Variants in GASK1A observed in about 807,000 individuals in gnomAD.
The protein encoded by GASK1A is Golgi-associated kinase 1A.
A neutral mutation model predicts 41.2 loss-of-function variants in GASK1A; 40 were observed. The ratio of observed to expected loss-of-function variants is 0.97; its 90% confidence interval spans 0.75 to 1.27. GASK1A has a LOEUF of 1.27. Among genes scored for constraint, GASK1A ranks in the 50% most tolerant of loss-of-function variants. GASK1A has a pLI of 0.00. For missense variants in GASK1A, 678 were observed against 745.1 expected, an observed-to-expected ratio of 0.91 and a Z score of 1.05; for synonymous variants, 316 against 307.1, an observed-to-expected ratio of 1.03 and a Z score of -0.30.
chr3:42,994,385 G>C (rs1417677373), intron 1 of GASK1A, among the ~76,000 whole-genome samples: 2 of 152,104 alleles, frequency 1.3e-5, no homozygotes, highest in Non-Finnish European at 2.9e-5. Flanking sequence ...GCCAATGCTG[G>C]GGAGGAAGCA....
At chr3:43,006,011 T>C (rs1323914689) in intron 1 of GASK1A, among the ~76,000 whole-genome samples, 7 of 152,232 alleles carry the variant, frequency 4.6e-5, no homozygotes, top group African/African-American at 1.7e-4. Context: ...TGCTGTATTA[T>C]ATTATGATCA....
chr3:43,013,535 C>T (rs2089474873), intron 1 of GASK1A, among the ~76,000 whole-genome samples: 1 of 151,664 alleles, frequency 6.6e-6, no homozygotes, highest in Non-Finnish European at 1.5e-5. Flanking sequence ...TGGGTAGTCA[C>T]AGGAACAGGC....
chr3:43,016,576 ACAGGAAGGGGCTGTGTGAGGTCC>A (rs1011875275), intron 1 of GASK1A, among the ~76,000 whole-genome samples: 2 of 151,752 alleles, frequency 1.3e-5, no homozygotes, highest in South Asian at 2.1e-4. Flanking sequence ...GTGAGAGTTC[ACAGGAAGGGGCTGTGTGAGGTCC>A]CAGGAAGGGG....
intron 2 of GASK1A, among the ~76,000 whole-genome samples, chr3:43,052,817 C>G (rs1213363271): frequency 6.6e-6 from 1 of 152,212 alleles, no homozygotes; most frequent in Non-Finnish European, 1.5e-5. Flanking sequence ...TAGGTCAGGG[C>G]TGGGGTAGAC....
rs757015845 is a variant in GASK1A, at chr3:43,055,426, C to G, written c.1414-6C>G. ...ACCTCTGTCTCTGTCCACCCTCTTC[C>G]CTGAGGTCCGGAGCAGCGATCCATC... is the stretch of plus-strand genomic sequence containing the variant. On this transcript the variant is annotated splice_region_variant and splice_polypyrimidine_tract_variant and intron_variant, in intron 3 of 4. Transcript: ENST00000430121. The G allele has an allele frequency of 2.8e-5, 43 of 1,549,838 alleles. No individual in the cohort carries two copies. Among genetic ancestry groups the G allele is most frequent in the Non-Finnish European group, 1.7e-6 (2 of 1,145,438 alleles).
In GASK1A at chr3:42,984,369, TAC is replaced by T. The variant is rs376609732; in HGVS notation, c.3+4732_3+4733del. Among the ~76,000 whole-genome samples, 9 of 152,046 alleles carry T rather than the reference TAC, an allele frequency of 5.9e-5. No homozygotes were observed. Among genetic ancestry groups the T allele is most frequent in the African/African-American group, 2.2e-4 (9 of 41,480 alleles). On this transcript the variant is annotated intron_variant, in intron 1 of 4. Coordinates refer to ENST00000430121, the MANE Select transcript of GASK1A (RefSeq NM_001129908.3). The surrounding 1 kb of genome is among the most constrained non-coding windows in gnomAD (Gnocchi z 4.2). ...CTTTCACACATCACACATATACTCA[TAC>T]ACACACATGTGCACGCACACACACA...
At chr3:42,979,756 G>A in intron 1 of GASK1A, 111 bp downstream of exon 1, 6 of 1,118,172 alleles carry the variant, frequency 5.4e-6, no homozygotes, top group Non-Finnish European at 6.9e-6. Context: ...GCGGCCTCCC[G>A]AGGCCGGAGT....
At chr3:43,031,999 G>A (rs1337604118) in intron 1 of GASK1A, among the ~76,000 whole-genome samples, 1 of 152,172 alleles carries the variant, frequency 6.6e-6, no homozygotes, top group African/African-American at 2.4e-5. Flanking sequence ...TTATTCAAAG[G>A]GAGAATAAGA....
chr3:43,026,615 A>G (rs895457961), intron 1 of GASK1A, among the ~76,000 whole-genome samples: 1 of 152,248 alleles, frequency 6.6e-6, no homozygotes, highest in Non-Finnish European at 1.5e-5. Flanking sequence ...TGAGCTGGAA[A>G]GAAGTAGGGA....
intron 1 of GASK1A, among the ~76,000 whole-genome samples, chr3:43,017,858 C>T (rs1197942781): frequency 6.6e-6 from 1 of 150,962 alleles, no homozygotes; most frequent in Non-Finnish European, 1.5e-5. Flanking sequence ...TGTGAAGCCA[C>T]AGGAAGGGCC....
At chr3:42,990,503 T>A (rs919814886) in intron 1 of GASK1A, among the ~76,000 whole-genome samples, 2 of 152,074 alleles carry the variant, frequency 1.3e-5, no homozygotes, top group Admixed American at 6.6e-5. Flanking sequence ...ATTTACTAAG[T>A]TTTTTTATCA....
intron 3 of GASK1A, 162 bp downstream of exon 3, chr3:43,053,805 C>T (rs1466897329): frequency 1.9e-5 from 16 of 859,738 alleles, no homozygotes; most frequent in East Asian, 5.3e-5. Context: ...TCCAGGAGTC[C>T]GCAATATATA....
At chr3:42,996,173 C>G (rs543453644) in intron 1 of GASK1A, among the ~76,000 whole-genome samples, 1 of 152,210 alleles carries the variant, frequency 6.6e-6, no homozygotes, top group East Asian at 1.9e-4. Context: ...GGCTCTTGCT[C>G]TCAGCACAGT....
chr3:43,032,689 G>A lies in GASK1A; in HGVS notation c.426G>A (p.Glu142=), dbSNP rs1295159156. 4 of 1,551,694 alleles carry A rather than the reference G, an allele frequency of 2.6e-6. No individual in the cohort carries two copies. Among genetic ancestry groups the A allele is most frequent in the East Asian group, 4.9e-5 (2 of 40,900 alleles). The part of the protein sequence containing the change: ...TQHVVLLRED[E]VGDPGTKDLG... ...ATGTTGTGCTCCTGAGGGAGGATGA[G>A]GTTGGAGATCCAGGAACCAAAGACC... The change falls in exon 2 of 5, where the codon GAG becomes GAA. Residue 142 remains glutamate, a synonymous_variant. Transcript: ENST00000430121.
chr3:43,004,355 T>C (rs1333702541), intron 1 of GASK1A, among the ~76,000 whole-genome samples: 1 of 152,210 alleles, frequency 6.6e-6, no homozygotes, highest in Admixed American at 6.5e-5. Context: ...AGATGTCAGA[T>C]CTTGCCAATA....
At chr3:43,035,712 C>T (rs1169365368) in intron 2 of GASK1A, among the ~76,000 whole-genome samples, 1 of 152,194 alleles carries the variant, frequency 6.6e-6, no homozygotes, top group Non-Finnish European at 1.5e-5. Flanking sequence ...ATGTAATGTA[C>T]TTAGTACAGT....
intron 1 of GASK1A, among the ~76,000 whole-genome samples, chr3:43,016,861 G>A (rs1294343005): frequency 6.6e-6 from 1 of 151,898 alleles, no homozygotes; most frequent in Non-Finnish European, 1.5e-5. Flanking sequence ...CACAGGAATG[G>A]GCAGTGGGAA....
chr3:43,055,936 G>A (rs1031309448), intron 4 of GASK1A: 5 of 520,112 alleles, frequency 9.6e-6, no homozygotes, highest in Middle Eastern at 5.1e-4. Context: ...TTATTCACCT[G>A]GCTTCTCTGT....
chr3:43,052,624 C>T (rs62247128), intron 2 of GASK1A, among the ~76,000 whole-genome samples: 25,127 of 151,186 alleles, frequency 0.17, 2,349 homozygotes, highest in Non-Finnish European at 0.22. Flanking sequence ...CATCCACTTC[C>T]TAGCATCTCC....
Sources: gnomAD v4.1 joint callset for allele counts (sites outside exome capture counted in the v4.1 genomes callset) on GRCh38, gnomAD v4.1.1 for gene constraint, Gnocchi (gnomAD v3.1) non-coding constraint, MANE v1.5 for transcripts, NCBI Gene and HGNC (gene_info 2026-07-23, HGNC 2026-07-21) for gene names.